Variants in MKNK1 observed in about 807,000 individuals in gnomAD.
MKNK1 encodes the protein MAPK interacting serine/threonine kinase 1.
Under a neutral mutation model 49.3 loss-of-function variants are expected in MKNK1, and 30 were observed. That is an observed-to-expected ratio of 0.61 (90% CI 0.46 to 0.83). The LOEUF (loss-of-function observed/expected upper bound fraction) is 0.83. MKNK1 is among the 40% of genes least tolerant of loss of function. MKNK1 has a pLI of 0.00. For synonymous variants in MKNK1, 176 were observed against 201.7 expected, an observed-to-expected ratio of 0.87 and a Z score of 1.08; for missense variants, 423 against 524.7, an observed-to-expected ratio of 0.81 and a Z score of 1.89.
Position 46,558,810 on chromosome 1 carries a change from C to T in MKNK1, c.1014-10G>A, listed in dbSNP as rs1553193408. Reference sequence around the variant, plus strand: ...CATTGTGCTGCTGTTCCTGCAGGGCCAGGGGAAAGCACAGAAAAGAGGGTC... The same window carrying T: ...CATTGTGCTGCTGTTCCTGCAGGGCTAGGGGAAAGCACAGAAAAGAGGGTC... On this transcript the variant is annotated splice_polypyrimidine_tract_variant and intron_variant, in intron 12 of 12. Transcript: ENST00000371945. The T allele has an allele frequency of 6.2e-7, 1 of 1,610,428 alleles. No homozygotes were observed. Among genetic ancestry groups the T allele is most frequent in the South Asian group, 1.1e-5 (1 of 90,602 alleles).
rs1449885656 is a variant in MKNK1 at position 46,594,256 on chromosome 1, C to T, written c.-146G>A. ...TGTGCGTAGGTGGCAATCTTCAGTT[C>T]TCCATCGGCCTCTGACATGGAAACC... On this transcript the variant is annotated 5_prime_UTR_variant, in exon 2 of 13. Transcript: ENST00000371945. 1.2e-6 allele frequency: 1 copy of T among 820,064 alleles called. No individual in the cohort carries two copies. The highest frequency in any genetic ancestry group is 1.7e-5 in the African/African-American group (1 of 60,040). The allele number at this position is 820,064 out of a possible 1,614,324, so 50.8% of individuals were successfully genotyped here. A position where few individuals can be genotyped will look rare whatever the true frequency, so the allele number is the denominator to read the frequency against.
chr1:46,592,344 T>G (rs1392325120), intron 2 of MKNK1, among the ~76,000 whole-genome samples: 1 of 152,244 alleles, frequency 6.6e-6, no homozygotes, highest in African/African-American at 2.4e-5. Context: ...CCAACAGTCT[T>G]ACTCATTGTT....
chr1:46,586,764 C>A (rs1474503377), intron 2 of MKNK1, among the ~76,000 whole-genome samples: 1 of 152,166 alleles, frequency 6.6e-6, no homozygotes, highest in African/African-American at 2.4e-5. Flanking sequence ...CCTGGATAAA[C>A]TCCCTTTCGA....
chr1:46,560,172 C>A, intron 12 of MKNK1, 62 bp downstream of exon 12: 1 of 1,582,008 alleles, frequency 6.3e-7, no homozygotes, highest in South Asian at 1.1e-5. Context: ...CCCCGGCCCC[C>A]ACCCCCATGG....
Position 46,557,521 on chromosome 1 carries a change from A to G in MKNK1, c.*1054T>C, listed in dbSNP as rs1195488510. 1.3e-5 allele frequency: 2 copies of G among 152,676 alleles called. No homozygotes were observed. The highest frequency in any genetic ancestry group is 2.9e-5 in the Non-Finnish European group (2 of 68,036). 9.5% of individuals were successfully genotyped at this position (152,676 alleles called of 1,614,324 possible). A position where few individuals can be genotyped will look rare whatever the true frequency, so the allele number is the denominator to read the frequency against. ...AAATCTATTTTCTTTATGTAACTCA[A>G]TAGTTCCACTTATCTGAATGGCTGT... is the stretch of plus-strand genomic sequence containing the variant. On this transcript the variant is annotated 3_prime_UTR_variant, in exon 13 of 13. Coordinates refer to ENST00000371945, the MANE Select transcript of MKNK1 (RefSeq NM_001135553.4).
chr1:46,560,034 G>C (rs1285042884), intron 12 of MKNK1, among the ~76,000 whole-genome samples, 200 bp downstream of exon 12: 1 of 152,146 alleles, frequency 6.6e-6, no homozygotes, highest in Non-Finnish European at 1.5e-5. Flanking sequence ...CTGGAGGGCA[G>C]AGGATCCAAT....
chr1:46,582,583 T>C (rs1370807112), intron 3 of MKNK1, among the ~76,000 whole-genome samples: 2 of 152,198 alleles, frequency 1.3e-5, no homozygotes, highest in Non-Finnish European at 2.9e-5. Flanking sequence ...ACGTTACTCC[T>C]AGGAGTAGCT....
At chr1:46,578,043 G>A (rs1671234997) in intron 4 of MKNK1, among the ~76,000 whole-genome samples, 1 of 152,252 alleles carries the variant, frequency 6.6e-6, no homozygotes, top group African/African-American at 2.4e-5. Flanking sequence ...TGAATGGAGA[G>A]GTGTAGTGCT....
chr1:46,600,153 A>G (rs372268507), intron 1 of MKNK1, among the ~76,000 whole-genome samples: 2 of 152,092 alleles, frequency 1.3e-5, no homozygotes, highest in Non-Finnish European at 2.9e-5. Flanking sequence ...CCTTCTTCCA[A>G]ACTCCCACTT....
intron 10 of MKNK1, among the ~76,000 whole-genome samples, chr1:46,562,222 C>T (rs1006803999): frequency 1.3e-5 from 2 of 151,794 alleles, no homozygotes; most frequent in Admixed American, 6.6e-5. Flanking sequence ...GATGAAACCC[C>T]GTCTCTACTG....
intron 7 of MKNK1, chr1:46,569,054 A>G (rs1338274553): frequency 6.6e-6 from 1 of 152,496 alleles, no homozygotes; most frequent in Non-Finnish European, 1.5e-5. Flanking sequence ...CCCTGCCAGC[A>G]GCAGAGCAAA....
At chr1:46,588,361 A>G (rs1456453926) in intron 2 of MKNK1, among the ~76,000 whole-genome samples, 1 of 152,254 alleles carries the variant, frequency 6.6e-6, no homozygotes, top group Non-Finnish European at 1.5e-5. Flanking sequence ...GGAATTTGGT[A>G]TCTGATTTTA....
intron 2 of MKNK1, chr1:46,585,677 G>A: frequency 7.5e-6 from 3 of 401,844 alleles, no homozygotes; most frequent in Non-Finnish European, 1.5e-5. Context: ...AGCAGCAAGA[G>A]GGCTGGAGGC....
At chr1:46,565,598 G>A (rs1199997411) in intron 8 of MKNK1, among the ~76,000 whole-genome samples, 1 of 152,190 alleles carries the variant, frequency 6.6e-6, no homozygotes, top group Non-Finnish European at 1.5e-5. Flanking sequence ...GACTTGATCA[G>A]TTTAAACACG....
intron 3 of MKNK1, among the ~76,000 whole-genome samples, chr1:46,581,531 A>T (rs1671748200): frequency 6.6e-6 from 1 of 151,424 alleles, no homozygotes; most frequent in South Asian, 2.1e-4. Context: ...AAAAAAAAAA[A>T]AAAAAAATTG....
chr1:46,577,481 AAAAT>A lies in MKNK1; in HGVS notation c.199-831_199-828del, dbSNP rs538490314. The stretch of plus-strand genomic sequence containing the variant: ...AAGTAACAGAGAGACTCCATCTCAA[AAAAT>A]AAATAAATAAATAAATAAATAAACA... On this transcript the variant is annotated intron_variant, in intron 4 of 12. Transcript: ENST00000371945. Among the ~76,000 whole-genome samples the A allele has an allele frequency of 8.9e-3, 1,349 of 152,092 alleles. 16 individuals are homozygous for A. Among genetic ancestry groups the A allele is most frequent in the African/African-American group, 0.028 (1,160 of 41,476 alleles).
chr1:46,597,437 G>A (rs982135774), intron 1 of MKNK1, among the ~76,000 whole-genome samples: 1 of 152,048 alleles, frequency 6.6e-6, no homozygotes, highest in Non-Finnish European at 1.5e-5. Flanking sequence ...GCCAGATCTC[G>A]ACCTGTTACT....
intron 10 of MKNK1, 84 bp from the exon 11 acceptor site, chr1:46,561,726 A>G: frequency 6.7e-7 from 1 of 1,482,126 alleles, no homozygotes; most frequent in South Asian, 1.2e-5. Flanking sequence ...ACCGGCTTCA[A>G]TTGATCTCAG....
chr1:46,599,544 C>T (rs1457823029), intron 1 of MKNK1, among the ~76,000 whole-genome samples: 1 of 152,234 alleles, frequency 6.6e-6, no homozygotes. Flanking sequence ...AGCTTCCAAA[C>T]TAGGCCAGTG....
Sources: allele counts gnomAD v4.1 joint callset (sites outside exome capture counted in the v4.1 genomes callset), GRCh38; gene constraint gnomAD v4.1.1; transcripts MANE v1.5; gene names NCBI Gene and HGNC (gene_info 2026-07-23, HGNC 2026-07-21).